The following EPHA6 variants were observed in gnomAD, a reference collection of about 807,000 sequenced individuals.
EPHA6 encodes the protein EPH receptor A6.
Under a neutral mutation model 112.0 loss-of-function variants are expected in EPHA6, and 50 were observed. The observed-to-expected ratio is 0.45, with a 90% confidence interval of 0.36 to 0.56. The LOEUF is 0.56. Ranked by LOEUF, EPHA6 falls within the 20% of genes least tolerant of loss-of-function variation. EPHA6 has a pLI of 0.00. For missense variants in EPHA6, 1,280 were observed against 1,417.4 expected (o/e 0.90, Z 1.56); for synonymous variants, 529 against 490.7 (o/e 1.08, Z -1.03).
chr3:97,231,747 T>C lies in EPHA6; in HGVS notation c.1270+5328T>C, dbSNP rs2078531400. Among the ~76,000 whole-genome samples, 4 of 152,150 alleles carry C rather than the reference T, an allele frequency of 2.6e-5. No homozygotes were observed. The South Asian group carries it at 8.3e-4, about 32-fold the overall frequency. On this transcript the variant is annotated intron_variant, in intron 4 of 17. Coordinates refer to ENST00000389672, the MANE Select transcript of EPHA6 (RefSeq NM_001080448.3). ...TTTAGTATGAAGAAAAATAGTGTTA[T>C]TATGCAGATAAAGTATCTCAGGTAA... is the stretch of plus-strand genomic sequence containing the variant.
At chr3:97,056,452 A>G (rs2045856289) in intron 3 of EPHA6, among the ~76,000 whole-genome samples, 1 of 152,174 alleles carries the variant, frequency 6.6e-6, no homozygotes, top group South Asian at 2.1e-4. Flanking sequence ...GCACTGTCAC[A>G]AGAGAAGGGA....
intron 3 of EPHA6, among the ~76,000 whole-genome samples, chr3:97,052,791 A>G (rs1454810528): frequency 2.6e-5 from 4 of 152,040 alleles, no homozygotes; most frequent in African/African-American, 9.7e-5. Flanking sequence ...ACACTTGATA[A>G]ACTCAGGGGA....
intron 4 of EPHA6, among the ~76,000 whole-genome samples, chr3:97,231,270 T>C (rs1293216858): frequency 6.6e-6 from 1 of 152,200 alleles, no homozygotes; most frequent in African/African-American, 2.4e-5. Context: ...GGAAGCTTTC[T>C]TTCTCAAGGC....
intron 3 of EPHA6, among the ~76,000 whole-genome samples, chr3:97,185,654 G>A (rs1466351368): frequency 6.6e-6 from 1 of 152,058 alleles, no homozygotes; most frequent in Non-Finnish European, 1.5e-5. Flanking sequence ...AGTCAGTGTG[G>A]CGATTCCTCA....
chr3:97,169,084 T>G (rs1220374403), intron 3 of EPHA6, among the ~76,000 whole-genome samples: 1 of 152,196 alleles, frequency 6.6e-6, no homozygotes, highest in Non-Finnish European at 1.5e-5. Flanking sequence ...CATTGGAGAC[T>G]GTCTTATGCT....
chr3:97,261,265 GA>G (rs2079493436), intron 5 of EPHA6, among the ~76,000 whole-genome samples: 3 of 152,252 alleles, frequency 2.0e-5, no homozygotes, highest in South Asian at 4.1e-4. Context: ...TCTAGTCTAA[GA>G]AAACAAGGAA....
intron 3 of EPHA6, among the ~76,000 whole-genome samples, chr3:97,177,416 CTGAT>C (rs964308085): frequency 4.6e-5 from 7 of 151,874 alleles, no homozygotes; most frequent in African/African-American, 1.7e-4. Context: ...CAGATTAAGT[CTGAT>C]GTTTCCTTGT....
chr3:97,070,980 T>C (rs914086374), intron 3 of EPHA6, among the ~76,000 whole-genome samples: 1 of 152,110 alleles, frequency 6.6e-6, no homozygotes, highest in East Asian at 1.9e-4. Context: ...TTTTGTAGTA[T>C]AGATTTTTAT....
At chr3:97,262,595 A>G (rs920044824) in intron 5 of EPHA6, among the ~76,000 whole-genome samples, 2 of 152,174 alleles carry the variant, frequency 1.3e-5, no homozygotes, top group Admixed American at 1.3e-4. Flanking sequence ...TTTCTGCCAC[A>G]AGACTTTTTG....
At position 97,750,433 on chromosome 3, in the gene EPHA6, G is replaced by T. The variant is rs6801208; in HGVS notation, c.*1732G>T. On this transcript the variant is annotated 3_prime_UTR_variant, in exon 18 of 18. Coordinates refer to ENST00000389672, the MANE Select transcript of EPHA6 (RefSeq NM_001080448.3). ...GTGCAATGGTGAGATCTTGGCTCAC[G>T]GCAACCTCTGCCTCCCGGGTTCAAG... Among the ~76,000 whole-genome samples the T allele has an allele frequency of 0.28, 42,306 of 151,338 alleles. 5,862 individuals are homozygous for T. The highest frequency in any genetic ancestry group is 0.34 in the East Asian group (1,715 of 5,108).
chr3:97,182,200 A>G (rs1337381211), intron 3 of EPHA6, among the ~76,000 whole-genome samples: 2 of 151,928 alleles, frequency 1.3e-5, no homozygotes, highest in Non-Finnish European at 2.9e-5. Flanking sequence ...TATAACTAAA[A>G]TGATATTAAC....
intron 11 of EPHA6, among the ~76,000 whole-genome samples, chr3:97,578,269 C>T (rs1015931272): frequency 9.9e-5 from 15 of 152,022 alleles, no homozygotes; most frequent in African/African-American, 3.6e-4. Flanking sequence ...CGTGAACCTC[C>T]GAGACCCAAG....
At chr3:97,061,118 A>G (rs1266491706) in intron 3 of EPHA6, among the ~76,000 whole-genome samples, 1 of 152,134 alleles carries the variant, frequency 6.6e-6, no homozygotes, top group Non-Finnish European at 1.5e-5. Context: ...AGAAGTAGCT[A>G]AAGGTTTTCT....
chr3:96,985,097 G>A lies in EPHA6; in HGVS notation c.451-2233G>A, dbSNP rs182312617. ...GACGAGCCCCATTGAGATGAACCCGGTACCTCAGTTGGAAATGTAGAAATC... is the reference window on the plus strand; with the variant it reads ...GACGAGCCCCATTGAGATGAACCCGATACCTCAGTTGGAAATGTAGAAATC... On this transcript the variant is annotated intron_variant, in intron 2 of 17. Coordinates refer to ENST00000389672, the MANE Select transcript of EPHA6 (RefSeq NM_001080448.3). Among the ~76,000 whole-genome samples, 129 of 152,228 alleles carry A rather than the reference G, an allele frequency of 8.5e-4. 1 individual carries two copies. The highest frequency in any genetic ancestry group is 3.0e-3 in the African/African-American group (123 of 41,546).
intron 2 of EPHA6, among the ~76,000 whole-genome samples, chr3:96,902,414 T>G (rs1227755490): frequency 6.6e-6 from 1 of 152,158 alleles, no homozygotes; most frequent in African/African-American, 2.4e-5. Context: ...ATTACCTCTT[T>G]GGCTGGAGGG....
chr3:97,411,322 A>G (rs1420499972), intron 6 of EPHA6, among the ~76,000 whole-genome samples: 11 of 152,138 alleles, frequency 7.2e-5, no homozygotes, highest in Non-Finnish European at 1.0e-4. Context: ...ACTGGGGCCA[A>G]TACTGCATCC....
chr3:97,004,868 A>T (rs1338876088), intron 3 of EPHA6, among the ~76,000 whole-genome samples: 1 of 152,014 alleles, frequency 6.6e-6, no homozygotes, highest in South Asian at 2.1e-4. Flanking sequence ...AATGAATAGG[A>T]GATCCTTTCC....
chr3:97,759,885 A>T lies in EPHA6; in HGVS notation c.*11184A>T, dbSNP rs2036116184. 9.9e-6 allele frequency: 2 copies of T among 202,824 alleles called. No individual in the cohort carries two copies. Among genetic ancestry groups the T allele is most frequent in the Admixed American group, 1.2e-4 (2 of 16,708 alleles). 12.6% of individuals were successfully genotyped at this position (202,824 alleles called of 1,614,324 possible). A position where few individuals can be genotyped will look rare whatever the true frequency, so the allele number is the denominator to read the frequency against. On this transcript the variant is annotated 3_prime_UTR_variant, in exon 18 of 18. Coordinates refer to ENST00000389672, the MANE Select transcript of EPHA6 (RefSeq NM_001080448.3). ...TTGAGACATCTTATTGGAAGACCCGAAACTTTGAATTCTGTGGTTTCCAAG... is the reference window on the plus strand; with the variant it reads ...TTGAGACATCTTATTGGAAGACCCGTAACTTTGAATTCTGTGGTTTCCAAG...
At chr3:97,575,531 A>G (rs937960798) in intron 11 of EPHA6, among the ~76,000 whole-genome samples, 3 of 152,180 alleles carry the variant, frequency 2.0e-5, no homozygotes, top group African/African-American at 7.2e-5. Flanking sequence ...AAAACATCTG[A>G]GAGGTTACAC....
Sources: gnomAD v4.1 joint callset for allele counts (sites outside exome capture counted in the v4.1 genomes callset) on GRCh38, gnomAD v4.1.1 for gene constraint, MANE v1.5 for transcripts, NCBI Gene and HGNC (gene_info 2026-07-23, HGNC 2026-07-21) for gene names.